The following RARA variants were observed in gnomAD, a reference collection of about 807,000 sequenced individuals.
RARA encodes the protein retinoic acid receptor alpha.
RARA carries 5 observed loss-of-function variants against 42.8 expected under a neutral mutation model. The observed-to-expected ratio is 0.12, with a 90% CI of 0.06 to 0.25. RARA has a LOEUF of 0.25. RARA is among the 10% of genes least tolerant of loss of function. The probability of loss-of-function intolerance (pLI) is 1.00; values close to 1 mark genes in which losing one functional copy is unlikely to be tolerated. For missense variants in RARA, 402 were observed against 628.7 expected (o/e 0.64, Z 3.86); for synonymous variants, 256 against 259.5 (o/e 0.99, Z 0.13).
In RARA at chr17:40,335,224, G is replaced by A. The variant is rs146551828; in HGVS notation, c.178+3828G>A. ...GTGTTGGTGTTGGGGCTGGGAGGGGGAGTGACTTAGGGCACAGAGTGTTTA... is the reference window on the plus strand; with the variant it reads ...GTGTTGGTGTTGGGGCTGGGAGGGGAAGTGACTTAGGGCACAGAGTGTTTA... On this transcript the variant is annotated intron_variant, in intron 2 of 8. Coordinates refer to ENST00000254066, the MANE Select transcript of RARA (RefSeq NM_000964.4). Among the ~76,000 whole-genome samples, 12 of 152,232 alleles carry A rather than the reference G, an allele frequency of 7.9e-5. No individual in the cohort carries two copies. The East Asian group carries it at 2.1e-3, about 27-fold the overall frequency.
At chr17:40,341,513 C>G in intron 2 of RARA, 3 of 1,483,370 alleles carry the variant, frequency 2.0e-6, no homozygotes, top group Non-Finnish European at 2.7e-6. Flanking sequence ...CTCCTGCCGC[C>G]GCTCTCCGCG....
Position 40,352,254 on chromosome 17 carries a change from C to A in RARA, c.631-77C>A. 1 of 1,529,336 alleles carries A rather than the reference C, an allele frequency of 6.5e-7. No homozygotes were observed. The highest frequency in any genetic ancestry group is 8.8e-7 in the Non-Finnish European group (1 of 1,139,968). The allele number at this position is 1,529,336 out of a possible 1,614,324, so 94.7% of individuals were successfully genotyped here. On this transcript the variant is annotated intron_variant, in intron 5 of 8. Coordinates refer to ENST00000254066, the MANE Select transcript of RARA (RefSeq NM_000964.4). This position sits in a 1 kb window ranked among gnomAD's most constrained non-coding sequence, Gnocchi z 4.9. ...CAGGAAGTGAAGGCTGGGTAGAGGG[C>A]AGGCCTGTGGGGGCTGGAGCCAGGC... is the stretch of plus-strand genomic sequence containing the variant.
chr17:40,343,114 C>A (rs913912614), intron 2 of RARA: 17 of 604,204 alleles, frequency 2.8e-5, no homozygotes, highest in Admixed American at 2.6e-4. Flanking sequence ...AAGCAACATT[C>A]CTTCATCTCT....
Position 40,356,639 on chromosome 17 carries a change from C to A in RARA, c.*413C>A. On this transcript the variant is annotated 3_prime_UTR_variant, in exon 9 of 9. Transcript: ENST00000254066. ...CAGCTGGGGAACCTCAACCTCCCCC[C>A]TGCCTCGGTTGGTGACAGAGGGGGT... The A allele has an allele frequency of 3.7e-6, 2 of 535,158 alleles. No individual in the cohort carries two copies. The highest frequency in any genetic ancestry group is 3.1e-5 in the South Asian group (2 of 64,024). The allele number at this position is 535,158 out of a possible 1,614,324, so 33.2% of individuals were successfully genotyped here.
intron 1 of RARA, among the ~76,000 whole-genome samples, chr17:40,314,237 A>G (rs1411392844): frequency 1.3e-5 from 2 of 151,242 alleles, no homozygotes; most frequent in Non-Finnish European, 3.0e-5. Flanking sequence ...AGCCCACCCC[A>G]TCAGCTCTGG....
rs747666789 is a variant in RARA, at chr17:40,356,156, C to T, written c.1319C>T (p.Pro440Leu). ...GGRDGGGLAP[P>L]PGSCSPSLSP... is the part of the protein sequence containing the mutation. ...CGGGACGGGGGTGGCCTGGCCCCCC[C>T]GCCAGGCAGCTGTAGCCCCAGCCTC... is the stretch of plus-strand genomic sequence containing the variant. Residue 440 changes from proline (P) to leucine (L), a missense_variant, in exon 9 of 9, where the codon CCG becomes CTG. Coordinates refer to ENST00000254066, the MANE Select transcript of RARA (RefSeq NM_000964.4). 208 of 1,553,110 alleles carry T rather than the reference C, an allele frequency of 1.3e-4. No homozygotes were observed. Among genetic ancestry groups the T allele is most frequent in the Non-Finnish European group, 1.7e-4 (193 of 1,148,492 alleles).
In RARA at chr17:40,333,941, G is replaced by T. The variant is rs1262983692; in HGVS notation, c.178+2545G>T. Among the ~76,000 whole-genome samples the T allele has an allele frequency of 2.0e-5, 3 of 152,346 alleles. No individual in the cohort carries two copies. In the East Asian group the frequency reaches 5.8e-4, roughly 29 times the overall value. ...CATGTACCACTGCACCCAGCTCAGG[G>T]TAGGATTTTTGACGGGGGAGGAGTT... is the stretch of plus-strand genomic sequence containing the variant. On this transcript the variant is annotated intron_variant, in intron 2 of 8. Coordinates refer to ENST00000254066, the MANE Select transcript of RARA (RefSeq NM_000964.4).
intron 1 of RARA, among the ~76,000 whole-genome samples, chr17:40,311,815 CAG>C (rs1399578849): frequency 2.6e-5 from 4 of 152,106 alleles, no homozygotes; most frequent in African/African-American, 9.7e-5. Context: ...CCAGGTGGGA[CAG>C]GGGTGGGGGC....
At chr17:40,316,991 C>G (rs185384142) in intron 1 of RARA, among the ~76,000 whole-genome samples, 1 of 152,384 alleles carries the variant, frequency 6.6e-6, no homozygotes, top group Non-Finnish European at 1.5e-5. Context: ...CTTGTCCTAC[C>G]TTACCATGGC....
At chr17:40,341,925 T>G in intron 2 of RARA, 3 of 1,118,192 alleles carry the variant, frequency 2.7e-6, no homozygotes, top group East Asian at 3.5e-5. Context: ...CTCTGTGTAC[T>G]CCTCATCTGG....
chr17:40,339,445 G>C (rs1221052744), intron 2 of RARA, among the ~76,000 whole-genome samples: 1 of 152,178 alleles, frequency 6.6e-6, no homozygotes, highest in Non-Finnish European at 1.5e-5. Context: ...CCCAGCCCCA[G>C]CTGCGGGCCA....
chr17:40,341,346 A>G, intron 2 of RARA: 2 of 1,428,854 alleles, frequency 1.4e-6, no homozygotes, highest in South Asian at 1.5e-5. Context: ...TTGTGCCAAC[A>G]GCACCCGCGC....
chr17:40,328,276 G>A (rs1488241504), intron 1 of RARA, among the ~76,000 whole-genome samples: 1 of 152,166 alleles, frequency 6.6e-6, no homozygotes, highest in Non-Finnish European at 1.5e-5. Context: ...TTTGAGGCTA[G>A]AGTCTGGAGT....
intron 2 of RARA, chr17:40,342,474 C>A: frequency 8.0e-7 from 1 of 1,243,732 alleles, no homozygotes; most frequent in Non-Finnish European, 1.0e-6. Context: ...CCGACGGACC[C>A]CCCCTCCCAG....
At chr17:40,312,441 C>T (rs913580904) in intron 1 of RARA, among the ~76,000 whole-genome samples, 1 of 152,276 alleles carries the variant, frequency 6.6e-6, no homozygotes, top group African/African-American at 2.4e-5. Context: ...TCCCTGCCCC[C>T]CTCATTTCCT....
At position 40,354,472 on chromosome 17, in the gene RARA, G is replaced by A. The variant is rs373590342; in HGVS notation, c.978G>A (p.Thr326=). 119 of 1,613,884 alleles carry A rather than the reference G, an allele frequency of 7.4e-5. No individual in the cohort carries two copies. Among genetic ancestry groups the A allele is most frequent in the Non-Finnish European group, 9.5e-5 (112 of 1,180,028 alleles). Residue 326 remains threonine, a synonymous_variant, in exon 7 of 9, where the codon ACG becomes ACA. Coordinates refer to ENST00000254066, the MANE Select transcript of RARA (RefSeq NM_000964.4). The surrounding 1 kb of genome is among the most constrained non-coding windows in gnomAD (Gnocchi z 4.5). ...CCCTGGAGATGGATGATGCGGAGAC[G>A]GGGCTGCTCAGCGCCATCTGCCTCA... The part of the protein sequence containing the change: ...LLPLEMDDAE[T]GLLSAICLIC...
intron 2 of RARA, among the ~76,000 whole-genome samples, chr17:40,338,298 C>T (rs1208892642): frequency 6.6e-6 from 1 of 152,136 alleles, no homozygotes; most frequent in Non-Finnish European, 1.5e-5. Context: ...TGCCTTCTTC[C>T]TCCTCCTCCT....
At chr17:40,344,112 C>G (rs1302005016) in intron 2 of RARA, among the ~76,000 whole-genome samples, 1 of 151,566 alleles carries the variant, frequency 6.6e-6, no homozygotes, top group African/African-American at 2.4e-5. Flanking sequence ...TCGGGGGGGC[C>G]CTGGCAGATT....
At position 40,353,419 on chromosome 17, in the gene RARA, A is replaced by G. The variant is rs373300916; in HGVS notation, c.808-883A>G. Reference sequence around the variant, plus strand: ...CTCTTGGTCACCTCCAGGGTGGGGAACCTGGGATTTGACGAGACTGTCATT... The same window carrying G: ...CTCTTGGTCACCTCCAGGGTGGGGAGCCTGGGATTTGACGAGACTGTCATT... On this transcript the variant is annotated intron_variant, in intron 6 of 8. Coordinates refer to ENST00000254066, the MANE Select transcript of RARA (RefSeq NM_000964.4). Among the ~76,000 whole-genome samples the G allele has an allele frequency of 3.3e-5, 5 of 152,148 alleles. No homozygotes were observed. In the East Asian group the frequency reaches 9.7e-4, roughly 29 times the overall value.
Sources: allele counts gnomAD v4.1 joint callset (sites outside exome capture counted in the v4.1 genomes callset), GRCh38; gene constraint gnomAD v4.1.1; non-coding constraint Gnocchi (gnomAD v3.1); transcripts MANE v1.5; gene names NCBI Gene and HGNC (gene_info 2026-07-23, HGNC 2026-07-21).